The following TINAG variants were observed in gnomAD, a reference collection of about 807,000 sequenced individuals.
TINAG encodes the protein tubulointerstitial nephritis antigen.
Under a neutral mutation model 72.7 loss-of-function variants are expected in TINAG, and 83 were observed. That is an observed-to-expected ratio of 1.14 (90% CI 0.96 to 1.37). TINAG has a LOEUF of 1.37. Ranked by LOEUF, TINAG falls within the 40% of genes most tolerant of loss-of-function variation. The probability of loss-of-function intolerance (pLI) is 0.00; values close to 1 mark genes in which losing one functional copy is unlikely to be tolerated. For missense variants in TINAG, 685 were observed against 576.6 expected, an observed-to-expected ratio of 1.19 and a Z score of -1.93; for synonymous variants, 234 against 189.9, an observed-to-expected ratio of 1.23 and a Z score of -1.91.
intron 3 of TINAG, among the ~76,000 whole-genome samples, chr6:54,325,851 A>G (rs1260615032): frequency 6.6e-6 from 1 of 152,184 alleles, no homozygotes; most frequent in Non-Finnish European, 1.5e-5. Context: ...AGATTTTATG[A>G]ACTAACAGAT....
chr6:54,376,757 C>T (rs1415008859), intron 9 of TINAG, among the ~76,000 whole-genome samples: 1 of 152,092 alleles, frequency 6.6e-6, no homozygotes, highest in East Asian at 1.9e-4. Context: ...ATACCTTACT[C>T]TGCAGGAACT....
intron 4 of TINAG, among the ~76,000 whole-genome samples, chr6:54,327,561 T>A (rs1281515068): frequency 6.6e-6 from 1 of 152,046 alleles, no homozygotes; most frequent in Non-Finnish European, 1.5e-5. Flanking sequence ...GCAGGAGTTT[T>A]TTTTTTCATA....
At chr6:54,358,314 T>C (rs1763120854) in intron 9 of TINAG, among the ~76,000 whole-genome samples, 1 of 152,030 alleles carries the variant, frequency 6.6e-6, no homozygotes, top group East Asian at 2.0e-4. Flanking sequence ...TTTTTTATGT[T>C]GATTGTATAT....
At chr6:54,341,946 A>G (rs1785006486) in intron 4 of TINAG, among the ~76,000 whole-genome samples, 1 of 152,172 alleles carries the variant, frequency 6.6e-6, no homozygotes, top group South Asian at 2.1e-4. Context: ...AAAAATAGCT[A>G]ATAATATTTG....
chr6:54,365,285 C>G (rs1268168267), intron 9 of TINAG: 4 of 151,596 alleles, frequency 2.6e-5, no homozygotes, highest in Non-Finnish European at 4.4e-5. Flanking sequence ...TTGCACTTTT[C>G]TTTTTTGGTG....
intron 9 of TINAG, among the ~76,000 whole-genome samples, chr6:54,367,786 G>C (rs1400270166): frequency 6.6e-6 from 1 of 151,596 alleles, no homozygotes; most frequent in East Asian, 1.9e-4. Context: ...TCATACACTG[G>C]GTGACCTACA....
chr6:54,342,503 G>A (rs1169112531), intron 4 of TINAG, among the ~76,000 whole-genome samples: 2 of 151,882 alleles, frequency 1.3e-5, no homozygotes, highest in Non-Finnish European at 2.9e-5. Flanking sequence ...TGAGTAGCTG[G>A]GATTACAGGT....
At chr6:54,328,665 A>G (rs1784664748) in intron 4 of TINAG, among the ~76,000 whole-genome samples, 1 of 152,052 alleles carries the variant, frequency 6.6e-6, no homozygotes, top group Non-Finnish European at 1.5e-5. Context: ...GGATAATAAC[A>G]AACTCCTCCG....
At chr6:54,377,425 T>A (rs1350931994) in intron 9 of TINAG, among the ~76,000 whole-genome samples, 2 of 152,104 alleles carry the variant, frequency 1.3e-5, no homozygotes, top group African/African-American at 4.8e-5. Context: ...GGCAGGAGAA[T>A]CGCTGGAACC....
chr6:54,371,698 T>C (rs1389074504), intron 9 of TINAG, among the ~76,000 whole-genome samples: 2 of 152,076 alleles, frequency 1.3e-5, no homozygotes, highest in South Asian at 2.1e-4. Context: ...AAATTTTTTA[T>C]GATCTTAGAT....
chr6:54,363,124 AC>A (rs1179810664), intron 9 of TINAG, among the ~76,000 whole-genome samples: 2 of 151,578 alleles, frequency 1.3e-5, no homozygotes, highest in Non-Finnish European at 3.0e-5. Context: ...TGCTTAGAAG[AC>A]TACACAACAC....
At position 54,324,807 on chromosome 6, in the gene TINAG, T is replaced by C. The variant is rs138649985; in HGVS notation, c.510-1995T>C. ...TCTTCCATTCTAGACTATATTCTAA[T>C]GCATTTCTTTATCAAGCCTAGTTTG... On this transcript the variant is annotated intron_variant, in intron 3 of 10. Transcript: ENST00000259782. 3.8e-3 allele frequency among the ~76,000 whole-genome samples: 582 copies of C among 152,340 alleles called. 5 individuals are homozygous for C. Among genetic ancestry groups the C allele is most frequent in the African/African-American group, 0.012 (489 of 41,590 alleles).
chr6:54,354,892 A>T (rs1489184760), intron 9 of TINAG, among the ~76,000 whole-genome samples: 2 of 151,884 alleles, frequency 1.3e-5, no homozygotes, highest in Non-Finnish European at 2.9e-5. Context: ...CTAAGGGCAA[A>T]GAACATGTAT....
intron 6 of TINAG, 53 bp downstream of exon 6, chr6:54,347,570 G>A: frequency 1.3e-6 from 2 of 1,564,352 alleles, no homozygotes; most frequent in East Asian, 2.3e-5. Context: ...GATGCATTGT[G>A]TTAGAACAAG....
At chr6:54,318,919 C>G (rs1299353131) in intron 1 of TINAG, among the ~76,000 whole-genome samples, 1 of 152,060 alleles carries the variant, frequency 6.6e-6, no homozygotes, top group East Asian at 1.9e-4. Flanking sequence ...TCTCAGTTAT[C>G]TCTTACATGA....
intron 10 of TINAG, among the ~76,000 whole-genome samples, chr6:54,380,909 A>G (rs534928002): frequency 6.5e-4 from 98 of 149,810 alleles, no homozygotes; most frequent in African/African-American, 2.2e-3. Context: ...AATGAACTTG[A>G]TGCTTTTGTT....
At chr6:54,377,513 GAAATAAATAAAT>G (rs58647495) in intron 9 of TINAG, among the ~76,000 whole-genome samples, 1 of 151,096 alleles carries the variant, frequency 6.6e-6, no homozygotes, top group Non-Finnish European at 1.5e-5. Context: ...CTCGGTCTCA[GAAATAAATAAAT>G]AAATAAATAA....
chr6:54,388,778 C>G (rs1018615140), intron 10 of TINAG, among the ~76,000 whole-genome samples: 13 of 151,932 alleles, frequency 8.6e-5, no homozygotes, highest in African/African-American at 3.1e-4. Flanking sequence ...CTCCAACCAT[C>G]CAATCCAACC....
At chr6:54,370,003 G>C (rs1194146546) in intron 9 of TINAG, 1 of 151,992 alleles carries the variant, frequency 6.6e-6, no homozygotes, top group Non-Finnish European at 1.5e-5. Flanking sequence ...ACAATGAGGA[G>C]TTGATGTCAC....
Sources: allele counts gnomAD v4.1 joint callset (sites outside exome capture counted in the v4.1 genomes callset), GRCh38; gene constraint gnomAD v4.1.1; transcripts MANE v1.5; gene names NCBI Gene and HGNC (gene_info 2026-07-23, HGNC 2026-07-21).